RAB7A: variants seen among roughly 807,000 people sequenced by gnomAD.
The protein encoded by RAB7A is RAB7A, member RAS oncogene family, also known as ras-related protein Rab-7a.
RAB7A carries 2 observed loss-of-function variants against 24.5 expected under a neutral mutation model. The observed-to-expected ratio is 0.08, with a 90% confidence interval of 0.03 to 0.26. RAB7A has a LOEUF of 0.26. RAB7A is among the 10% of genes least tolerant of loss of function. The pLI, the probability that RAB7A is intolerant of heterozygous loss-of-function variation, is 1.00. For missense variants in RAB7A, 118 were observed against 255.7 expected, an observed-to-expected ratio of 0.46 and a Z score of 3.67; for synonymous variants, 100 against 95.9, an observed-to-expected ratio of 1.04 and a Z score of -0.25.
At chr3:128,776,896 G>T (rs1202792177) in intron 1 of RAB7A, among the ~76,000 whole-genome samples, 1 of 150,454 alleles carries the variant, frequency 6.6e-6, no homozygotes, top group African/African-American at 2.4e-5. Flanking sequence ...GGTGTGAGGT[G>T]GTATCTCAGT....
chr3:128,783,350 C>T (rs1220241254), intron 1 of RAB7A, among the ~76,000 whole-genome samples: 3 of 151,910 alleles, frequency 2.0e-5, no homozygotes, highest in Non-Finnish European at 4.4e-5. Flanking sequence ...GGTGCTCTTG[C>T]GTTTGAGGGA....
At chr3:128,805,995 C>T (rs1391408488) in intron 3 of RAB7A, among the ~76,000 whole-genome samples, 1 of 152,192 alleles carries the variant, frequency 6.6e-6, no homozygotes, top group African/African-American at 2.4e-5. Flanking sequence ...CTGTATCATT[C>T]GTGAGTCATC....
At position 128,747,116 on chromosome 3, in the gene RAB7A, C is replaced by A. The variant is rs549336602; in HGVS notation, c.-9+20757C>A. The stretch of plus-strand genomic sequence containing the variant: ...AGGCCAGGAGTTTAATCAGCCTGAG[C>A]AACATAGCAATACTCTATCTCTACA... On this transcript the variant is annotated intron_variant, in intron 1 of 5. Coordinates refer to ENST00000265062, the MANE Select transcript of RAB7A (RefSeq NM_004637.6). Among the ~76,000 whole-genome samples the A allele has an allele frequency of 2.0e-4, 30 of 150,210 alleles. No homozygotes were observed. The East Asian group carries it at 5.9e-3, about 30-fold the overall frequency.
chr3:128,773,409 C>T (rs1462816472), intron 1 of RAB7A, among the ~76,000 whole-genome samples: 21 of 151,598 alleles, frequency 1.4e-4, no homozygotes, highest in African/African-American at 3.2e-4. Context: ...GCAGCCACCC[C>T]GTCCGGGAGG....
intron 1 of RAB7A, among the ~76,000 whole-genome samples, chr3:128,763,532 T>G (rs912793704): frequency 1.3e-5 from 2 of 152,146 alleles, no homozygotes; most frequent in Non-Finnish European, 2.9e-5. Flanking sequence ...TATATATTTT[T>G]GACAAGAATA....
At chr3:128,751,214 G>T (rs562576514) in intron 1 of RAB7A, among the ~76,000 whole-genome samples, 39 of 152,340 alleles carry the variant, frequency 2.6e-4, no homozygotes, top group African/African-American at 9.1e-4. Context: ...AGACTGCCTA[G>T]TGGAGCTGTG....
intron 3 of RAB7A, among the ~76,000 whole-genome samples, chr3:128,804,114 G>GCGC (rs1553722988): frequency 2.3e-3 from 335 of 146,954 alleles, no homozygotes; most frequent in African/African-American, 8.2e-3. Flanking sequence ...ACCTCCCTGG[G>GCGC]CCCCCCCCCG....
intron 1 of RAB7A, among the ~76,000 whole-genome samples, chr3:128,768,151 A>T (rs1003206470): frequency 6.6e-6 from 1 of 152,142 alleles, no homozygotes; most frequent in Non-Finnish European, 1.5e-5. Flanking sequence ...GGTATTTTGT[A>T]TAAATGGGAT....
intron 1 of RAB7A, among the ~76,000 whole-genome samples, chr3:128,738,221 A>C (rs1226355610): frequency 6.6e-6 from 1 of 151,832 alleles, no homozygotes; most frequent in East Asian, 1.9e-4. Flanking sequence ...TGATAGTGAC[A>C]GGGTCTTGGC....
At chr3:128,751,119 G>A (rs1180953045) in intron 1 of RAB7A, among the ~76,000 whole-genome samples, 1 of 152,218 alleles carries the variant, frequency 6.6e-6, no homozygotes, top group African/African-American at 2.4e-5. Flanking sequence ...TACTGCAGGG[G>A]CAGGACTCTC....
intron 1 of RAB7A, among the ~76,000 whole-genome samples, chr3:128,730,814 T>C (rs528048804): frequency 6.6e-6 from 1 of 152,306 alleles, no homozygotes; most frequent in Non-Finnish European, 1.5e-5. Flanking sequence ...TCATGGGGCC[T>C]GGAGTCTCTG....
intron 1 of RAB7A, among the ~76,000 whole-genome samples, chr3:128,780,793 T>C (rs1347921718): frequency 6.6e-6 from 1 of 152,368 alleles, no homozygotes; most frequent in Admixed American, 6.5e-5. Flanking sequence ...CATGTGCCTA[T>C]GTGGTCACTG....
At chr3:128,777,310 C>A (rs1933118713) in intron 1 of RAB7A, among the ~76,000 whole-genome samples, 1 of 152,128 alleles carries the variant, frequency 6.6e-6, no homozygotes. Flanking sequence ...CTTCCCACTT[C>A]AGCCTCCCAA....
At chr3:128,760,207 T>C (rs1167598869) in intron 1 of RAB7A, among the ~76,000 whole-genome samples, 3 of 152,156 alleles carry the variant, frequency 2.0e-5, no homozygotes. Flanking sequence ...GAAAGTCTTC[T>C]TTCTCCGCCT....
intron 1 of RAB7A, among the ~76,000 whole-genome samples, chr3:128,739,878 C>T (rs1446640322): frequency 2.0e-5 from 3 of 152,130 alleles, no homozygotes; most frequent in African/African-American, 7.2e-5. Context: ...ACCAGCGTGA[C>T]CAACATGGTA....
intron 1 of RAB7A, among the ~76,000 whole-genome samples, chr3:128,793,307 C>G (rs150694736): frequency 0.041 from 6,284 of 151,802 alleles, 174 homozygotes; most frequent in Non-Finnish European, 0.058. Context: ...AGGTATGAGC[C>G]ACTGTGCCCA....
rs747970461 is a variant in RAB7A at position 128,813,793 on chromosome 3, G to GT, written c.*374dup. On this transcript the variant is annotated 3_prime_UTR_variant, in exon 6 of 6. Transcript: ENST00000265062. ...TTGTTCACTGGAGAGAGAGAGAACT[G>GT]TTTACAGTTAATCTGTGTCTAATTA... 6 of 332,196 alleles carry GT rather than the reference G, an allele frequency of 1.8e-5. No homozygotes were observed. The highest frequency in any genetic ancestry group is 2.4e-5 in the Non-Finnish European group (4 of 168,152). 20.6% of individuals were successfully genotyped at this position (332,196 alleles called of 1,614,324 possible).
intron 1 of RAB7A, among the ~76,000 whole-genome samples, chr3:128,795,027 A>C (rs1933536398): frequency 6.6e-6 from 1 of 152,072 alleles, no homozygotes; most frequent in African/African-American, 2.4e-5. Flanking sequence ...CAGCGACCTG[A>C]ATGAAGCAAG....
chr3:128,788,642 C>T (rs1444616195), intron 1 of RAB7A, among the ~76,000 whole-genome samples: 2 of 152,198 alleles, frequency 1.3e-5, no homozygotes, highest in African/African-American at 4.8e-5. Context: ...GCCTTCACCT[C>T]CACGTGAGCT....
Sources: gnomAD v4.1 joint callset for allele counts (sites outside exome capture counted in the v4.1 genomes callset) on GRCh38, gnomAD v4.1.1 for gene constraint, MANE v1.5 for transcripts, NCBI Gene and HGNC (gene_info 2026-07-23, HGNC 2026-07-21) for gene names.